Variants in VILL observed in about 807,000 individuals in gnomAD.
VILL encodes the protein villin-like protein.
A neutral mutation model predicts 106.3 loss-of-function variants in VILL; 102 were observed. That is an observed-to-expected ratio of 0.96 (90% CI 0.82 to 1.13). The LOEUF is 1.13. Among genes scored for constraint, VILL ranks in the 50% most tolerant of loss-of-function variants. The pLI, the probability that VILL is intolerant of heterozygous loss-of-function variation, is 0.00. For missense variants in VILL, 1,076 were observed against 1,116.6 expected (o/e 0.96, Z 0.52); for synonymous variants, 431 against 440.3 (o/e 0.98, Z 0.27).
intron 16 of VILL, 43 bp downstream of exon 16, chr3:38,004,442 G>A (rs367910514): frequency 1.0e-5 from 16 of 1,586,156 alleles, no homozygotes; most frequent in African/African-American, 1.3e-5. Context: ...GAACGGGGGT[G>A]TGTTTCTGTT....
chr3:37,992,053 C>G (rs185205162), intron 1 of VILL, among the ~76,000 whole-genome samples: 1 of 152,118 alleles, frequency 6.6e-6, no homozygotes, highest in African/African-American at 2.4e-5. Flanking sequence ...TGACACCAGC[C>G]GAGTCCCAAC....
chr3:37,989,985 G>A (rs925146723), upstream of VILL, among the ~76,000 whole-genome samples: 1 of 152,210 alleles, frequency 6.6e-6, no homozygotes, highest in Non-Finnish European at 1.5e-5. Context: ...ACTGAACACA[G>A]GGAGAGGGTC....
chr3:37,997,822 T>A lies in VILL; in HGVS notation c.764+137T>A. On this transcript the variant is annotated intron_variant, in intron 7 of 19. Coordinates refer to ENST00000383759, the MANE Select transcript of VILL (RefSeq NM_015873.4). This position sits in a 1 kb window ranked among gnomAD's most constrained non-coding sequence, Gnocchi z 4.7. ...TTTCTGGGACAGGTCATGTGGACCG[T>A]GGGTCCAGCCTGTACTCTTCCATGG... The A allele has an allele frequency of 3.9e-6, 4 of 1,022,318 alleles. No individual in the cohort carries two copies. The highest frequency in any genetic ancestry group is 5.7e-6 in the Non-Finnish European group (4 of 706,204). 63.3% of individuals were successfully genotyped at this position (1,022,318 alleles called of 1,614,324 possible).
chr3:38,003,943 G>A (rs1222708824), intron 15 of VILL: 1 of 288,608 alleles, frequency 3.5e-6, no homozygotes, highest in East Asian at 6.2e-5. Flanking sequence ...GGTGGGCTGA[G>A]GAGCTCCTCC....
chr3:38,006,352 G>A, intron 18 of VILL, 97 bp from the exon 19 acceptor site: 2 of 1,602,246 alleles, frequency 1.2e-6, no homozygotes, highest in Non-Finnish European at 1.7e-6. Context: ...AGTGGGAGGG[G>A]CTGCAGTTGG....
chr3:37,996,015 A>G (rs569311535), intron 5 of VILL, among the ~76,000 whole-genome samples, 168 bp downstream of exon 5: 1 of 152,244 alleles, frequency 6.6e-6, no homozygotes, highest in South Asian at 2.1e-4. Context: ...TTCTAGCCCC[A>G]CTTCTGCCAC....
intron 16 of VILL, among the ~76,000 whole-genome samples, chr3:38,004,904 ATGAC>A (rs1330478313): frequency 6.6e-6 from 1 of 152,180 alleles, no homozygotes; most frequent in Non-Finnish European, 1.5e-5. Flanking sequence ...GAGCAAGACT[ATGAC>A]TGGCTGTGGG....
intron 10 of VILL, 32 bp from the exon 11 acceptor site, chr3:37,999,307 G>A: frequency 1.2e-5 from 17 of 1,477,138 alleles, no homozygotes; most frequent in Non-Finnish European, 1.5e-5. Flanking sequence ...GGGGGCAGAG[G>A]GCGCCACTGA....
chr3:37,989,772 G>A (rs962278798), upstream of VILL, among the ~76,000 whole-genome samples: 2 of 152,164 alleles, frequency 1.3e-5, no homozygotes, highest in Admixed American at 1.3e-4. Context: ...CAGGATACAG[G>A]CACACACATG....
rs1699638169 is a variant in VILL, at chr3:37,993,391, G to A, written c.-86-196G>A. 3 of 465,778 alleles carry A rather than the reference G, an allele frequency of 6.4e-6. No individual in the cohort carries two copies. In the South Asian group the frequency reaches 7.3e-5, roughly 11 times the overall value. The allele number at this position is 465,778 out of a possible 1,614,324, so 28.9% of individuals were successfully genotyped here. A position where few individuals can be genotyped will look rare whatever the true frequency, so the allele number is the denominator to read the frequency against. ...AGTGTGTTCGAATCATGCACTGCAG[G>A]CTAGGGTGGCAGAGCAAGACCCTGT... On this transcript the variant is annotated intron_variant, in intron 1 of 19. Transcript: ENST00000383759.
rs774790663 is a variant in VILL, at chr3:38,001,915, G to A, written c.1479+55G>A. 3.1e-6 allele frequency: 5 copies of A among 1,611,724 alleles called. No individual in the cohort carries two copies. In the Admixed American group the frequency reaches 8.4e-5, roughly 27 times the overall value. ...GCCTGCCCAGTTCTGCATGGGCCAT[G>A]GCCCCCGCACACACTTCTAAGCACC... On this transcript the variant is annotated intron_variant, in intron 13 of 19. Coordinates refer to ENST00000383759, the MANE Select transcript of VILL (RefSeq NM_015873.4).
At chr3:37,996,973 CCA>C in intron 5 of VILL, 102 bp from the exon 6 acceptor site, 2 of 951,016 alleles carry the variant, frequency 2.1e-6, no homozygotes, top group African/African-American at 1.6e-5. Flanking sequence ...CTACGTACAC[CCA>C]GTTTGCATAC....
chr3:38,002,890 C>G (rs991801439), intron 14 of VILL: 2 of 532,872 alleles, frequency 3.8e-6, no homozygotes, highest in African/African-American at 3.8e-5. Context: ...GGAGTTTTCT[C>G]TAATATTCAG....
chr3:38,000,634 G>T (rs1699795455), intron 11 of VILL, among the ~76,000 whole-genome samples: 1 of 152,208 alleles, frequency 6.6e-6, no homozygotes, highest in South Asian at 2.1e-4. Context: ...CTCCTGGTAG[G>T]CAGTGGACAG....
rs766872245 is a variant in VILL at position 38,006,481 on chromosome 3, G to C, written c.2238G>C (p.Pro746=). The C allele has an allele frequency of 1.2e-6, 2 of 1,606,632 alleles. No homozygotes were observed. Among genetic ancestry groups the C allele is most frequent in the South Asian group, 1.1e-5 (1 of 90,804 alleles). The part of the protein sequence containing the change: ...EVNNLRLSRW[P]GNGRAGAVAL... ...ACAACTTGCGGCTATCCAGATGGCC[G>C]GGCAATGGCAGGGCAGGTGCCGTGG... Residue 746 remains proline, a synonymous_variant, in exon 19 of 20, where the codon CCG becomes CCC. Coordinates refer to ENST00000383759, the MANE Select transcript of VILL (RefSeq NM_015873.4).
At chr3:37,989,152 G>T (rs1034731033), upstream of VILL, among the ~76,000 whole-genome samples, 1 of 152,172 alleles carries the variant, frequency 6.6e-6, no homozygotes, top group African/African-American at 2.4e-5. Flanking sequence ...GCGGGAGAGA[G>T]AAATCAGGGC....
intron 11 of VILL, among the ~76,000 whole-genome samples, chr3:38,000,700 T>C (rs1440909502): frequency 1.3e-5 from 2 of 152,134 alleles, no homozygotes; most frequent in African/African-American, 2.4e-5. Context: ...ATTGCCACTG[T>C]TAGGTGGCCT....
At chr3:38,001,233 A>G in intron 11 of VILL, 1 of 649,628 alleles carries the variant, frequency 1.5e-6, no homozygotes, top group South Asian at 1.9e-5. Flanking sequence ...CCATCTCCCA[A>G]GTGTGGTGGG....
Position 37,998,086 on chromosome 3 carries a change from C to G in VILL, c.765-4C>G. The G allele has an allele frequency of 2.5e-6, 4 of 1,605,694 alleles. No individual in the cohort carries two copies. The highest frequency in any genetic ancestry group is 3.4e-6 in the Non-Finnish European group (4 of 1,175,972). ...TGGCCACTCCTGGGTTCCTGTCCCC[C>G]CAGTGTCTATGAGAAGGGCAAAGAC... On this transcript the variant is annotated splice_region_variant and splice_polypyrimidine_tract_variant and intron_variant, in intron 7 of 19. Coordinates refer to ENST00000383759, the MANE Select transcript of VILL (RefSeq NM_015873.4). This position sits in a 1 kb window ranked among gnomAD's most constrained non-coding sequence, Gnocchi z 4.1.
Sources: gnomAD v4.1 joint callset for allele counts (sites outside exome capture counted in the v4.1 genomes callset) on GRCh38, gnomAD v4.1.1 for gene constraint, Gnocchi (gnomAD v3.1) non-coding constraint, MANE v1.5 for transcripts, NCBI Gene and HGNC (gene_info 2026-07-23, HGNC 2026-07-21) for gene names.